FAAH2: variants seen among roughly 807,000 people sequenced by gnomAD.
FAAH2 encodes the protein fatty-acid amide hydrolase 2.
Under a neutral mutation model 36.9 loss-of-function variants are expected in FAAH2, and 60 were observed. The ratio of observed to expected loss-of-function variants is 1.63; its 90% CI spans 1.32 to 2.02. The LOEUF (loss-of-function observed/expected upper bound fraction) is 2.02, where lower values mean the gene tolerates loss of function less well. Among genes scored for constraint, FAAH2 ranks in the 30% most tolerant of loss-of-function variants. The pLI, the probability that FAAH2 is intolerant of heterozygous loss-of-function variation, is 0.00. For missense variants in FAAH2, 689 were observed against 397.5 expected (o/e 1.73, Z -6.23); for synonymous variants, 214 against 143.8 (o/e 1.49, Z -3.49).
At chrX:57,324,775 G>T (rs151133002) in intron 3 of FAAH2, among the ~76,000 whole-genome samples, 2,593 of 112,140 alleles carry the variant, frequency 0.023, 85 homozygotes, top group African/African-American at 0.079. Context: ...ATACAATCAT[G>T]TGATCTGCAA....
chrX:57,306,690 T>TTGTG (rs758466450), intron 2 of FAAH2, among the ~76,000 whole-genome samples: 1,116 of 68,551 alleles, frequency 0.016, 25 homozygotes, highest in African/African-American at 0.067. Context: ...TAGCAACATC[T>TTGTG]TGTGTGTGTG....
chrX:57,429,267 A>T (rs2056237084), intron 7 of FAAH2, among the ~76,000 whole-genome samples: 1 of 104,914 alleles, frequency 9.5e-6, no homozygotes, highest in Admixed American at 1.0e-4. Context: ...TGAACCTGGG[A>T]GGTGGAGCTT....
At chrX:57,431,787 G>GGTTTTTTT in intron 7 of FAAH2, 131 bp from the exon 8 acceptor site, 1 of 135,853 alleles carries the variant, frequency 7.4e-6, no homozygotes, top group Non-Finnish European at 1.2e-5. Context: ...TTGTTTTTTT[G>GGTTTTTTT]TTTTTTTTGG....
At chrX:57,300,277 A>G (rs981981243) in intron 2 of FAAH2, among the ~76,000 whole-genome samples, 3 of 111,184 alleles carry the variant, frequency 2.7e-5, no homozygotes, top group Admixed American at 9.6e-5. Flanking sequence ...CAATGGAACA[A>G]AACAGAGCCC....
intron 10 of FAAH2, among the ~76,000 whole-genome samples, chrX:57,481,045 C>T (rs1322886919): frequency 6.5e-5 from 7 of 108,353 alleles, no homozygotes; most frequent in Non-Finnish European, 1.1e-4. Flanking sequence ...GCTATTGTTA[C>T]TTTTGTATGC....
chrX:57,247,728 A>G, the FAAH2 span, among the ~76,000 whole-genome samples: 18 of 112,258 alleles, frequency 1.6e-4, no homozygotes, highest in South Asian at 1.5e-3. Flanking sequence ...TAAGTAATAC[A>G]CATCGCTTTC....
intron 2 of FAAH2, among the ~76,000 whole-genome samples, chrX:57,308,648 C>T (rs929531994): frequency 1.8e-5 from 2 of 111,589 alleles, no homozygotes. Flanking sequence ...TGCCCAATAC[C>T]TGAAATATAT....
the FAAH2 span, among the ~76,000 whole-genome samples, chrX:57,222,091 C>A: frequency 4.5e-5 from 5 of 111,476 alleles, no homozygotes; most frequent in Admixed American, 9.5e-5. Context: ...CTAACTCTTA[C>A]CCCATGAACC....
the FAAH2 span, among the ~76,000 whole-genome samples, chrX:57,217,289 G>A: frequency 1.9e-5 from 2 of 106,758 alleles, no homozygotes; most frequent in Non-Finnish European, 3.8e-5. Context: ...TGTTGAATTA[G>A]GTCCCAGCTA....
chrX:57,464,973 GA>G (rs1402376261), intron 10 of FAAH2, among the ~76,000 whole-genome samples: 3 of 111,565 alleles, frequency 2.7e-5, no homozygotes, highest in African/African-American at 9.7e-5. Context: ...GACAACTAAA[GA>G]AAACCATGTT....
At chrX:57,288,648 C>A (rs1375987473) in intron 1 of FAAH2, among the ~76,000 whole-genome samples, 3 of 110,472 alleles carry the variant, frequency 2.7e-5, no homozygotes, top group Non-Finnish European at 5.7e-5. Flanking sequence ...CTGCGCCCGG[C>A]CTTAAAAGCA....
chrX:57,242,434 C>T, the FAAH2 span, among the ~76,000 whole-genome samples: 1 of 111,764 alleles, frequency 8.9e-6, no homozygotes, highest in African/African-American at 3.2e-5. Flanking sequence ...AAGAAGGAAC[C>T]CCATTTAAAA....
chrX:57,160,776 G>T, the FAAH2 span, among the ~76,000 whole-genome samples: 3 of 111,575 alleles, frequency 2.7e-5, no homozygotes, highest in Admixed American at 9.5e-5. Context: ...CTTGCTAATG[G>T]TCTTTCAATT....
intron 10 of FAAH2, among the ~76,000 whole-genome samples, chrX:57,476,497 T>G (rs2057271210): frequency 9.0e-6 from 1 of 111,635 alleles, no homozygotes; most frequent in African/African-American, 3.3e-5. Flanking sequence ...CGTTTTGATT[T>G]TCATATATTG....
rs1337222787 is a variant in FAAH2, at chrX:57,392,999, A to T, written c.996+11970A>T. The T allele has an allele frequency of 4.0e-5, 37 of 917,542 alleles. No homozygotes were observed. In the East Asian group the frequency reaches 1.1e-3, roughly 28 times the overall value. 75.6% of individuals were successfully genotyped at this position (917,542 alleles called of 1,213,427 possible). On this transcript the variant is annotated intron_variant, in intron 7 of 10. Transcript: ENST00000374900. ...TATCCTCAACTGGGAGCTTGAGGTC[A>T]TAAAGGAGTTGGAAGCTGCTGGGTG...
At chrX:57,129,195 G>T in the FAAH2 span, among the ~76,000 whole-genome samples, 2 of 111,110 alleles carry the variant, frequency 1.8e-5, no homozygotes, top group African/African-American at 6.5e-5. Context: ...TTTCATTATT[G>T]TCCCCTCCCC....
chrX:57,233,336 A>G, the FAAH2 span, among the ~76,000 whole-genome samples: 1 of 111,920 alleles, frequency 8.9e-6, no homozygotes, highest in Non-Finnish European at 1.9e-5. Context: ...TAAGTCAGGG[A>G]TTTAATGTAA....
At chrX:57,228,132 G>T in the FAAH2 span, among the ~76,000 whole-genome samples, 9 of 111,954 alleles carry the variant, frequency 8.0e-5, no homozygotes. Context: ...AACTGGATTC[G>T]CGCCCTCCCC....
the FAAH2 span, among the ~76,000 whole-genome samples, chrX:57,275,131 A>T: frequency 1.8e-5 from 2 of 112,101 alleles, no homozygotes; most frequent in East Asian, 5.6e-4. Context: ...AGAGAGCAAA[A>T]TCATGAGTGA....
Sources: gnomAD v4.1 joint callset for allele counts (sites outside exome capture counted in the v4.1 genomes callset) on GRCh38, gnomAD v4.1.1 for gene constraint, MANE v1.5 for transcripts, NCBI Gene and HGNC (gene_info 2026-07-23, HGNC 2026-07-21) for gene names.